The following FUT8 variants were observed in gnomAD, a reference collection of about 807,000 sequenced individuals.
The protein encoded by FUT8 is alpha-(1,6)-fucosyltransferase.
FUT8 carries 29 observed loss-of-function variants against 71.3 expected under a neutral mutation model. The observed-to-expected ratio is 0.41, with a 90% CI of 0.30 to 0.55. The LOEUF (loss-of-function observed/expected upper bound fraction) is 0.55. FUT8 is among the 20% of genes least tolerant of loss of function. The pLI, the probability that FUT8 is intolerant of heterozygous loss-of-function variation, is 0.34. For missense variants in FUT8, 544 were observed against 702.1 expected (o/e 0.77, Z 2.55); for synonymous variants, 254 against 239.3 (o/e 1.06, Z -0.57).
intron 3 of FUT8, among the ~76,000 whole-genome samples, chr14:65,571,215 C>T (rs1043473606): frequency 2.6e-5 from 4 of 151,924 alleles, no homozygotes; most frequent in African/African-American, 7.3e-5. Flanking sequence ...TATAATGAAC[C>T]TGTTAGGAGA....
intron 3 of FUT8, among the ~76,000 whole-genome samples, chr14:65,572,774 A>G (rs1209974854): frequency 6.6e-6 from 1 of 152,198 alleles, no homozygotes; most frequent in East Asian, 1.9e-4. Context: ...ATGTATGCAC[A>G]TAACAACAAA....
intron 1 of FUT8, among the ~76,000 whole-genome samples, chr14:65,441,052 A>G (rs2065647287): frequency 6.6e-6 from 1 of 152,210 alleles, no homozygotes; most frequent in Admixed American, 6.5e-5. Flanking sequence ...GAATGAATAT[A>G]AGCTGGTTAT....
At position 65,433,786 on chromosome 14, in the gene FUT8, T is replaced by TTCTCTCTCTCTCTCTC. The variant is rs71126744; in HGVS notation, c.-326+20589_-326+20604dup. ...TTTATTTCTACCTCTCTTCTGTCTCTTCTCTCTCTCTCTCTCTCTCTCTCT... is the reference window on the plus strand; with the variant it reads ...TTTATTTCTACCTCTCTTCTGTCTCTTCTCTCTCTCTCTCTCTCTCTCTCTCTCTCTCTCTCTCTCT... On this transcript the variant is annotated intron_variant, in intron 1 of 10. Transcript: ENST00000673929. Among the ~76,000 whole-genome samples the TTCTCTCTCTCTCTCTC allele has an allele frequency of 4.2e-3, 603 of 144,958 alleles. 11 individuals carry two copies. The highest frequency in any genetic ancestry group is 0.02 in the South Asian group (82 of 4,158).
At chr14:65,438,631 A>G (rs1193660574) in intron 1 of FUT8, among the ~76,000 whole-genome samples, 1 of 152,224 alleles carries the variant, frequency 6.6e-6, no homozygotes, top group Non-Finnish European at 1.5e-5. Context: ...TGAGAGAGAA[A>G]TAAACTTCTG....
chr14:65,625,080 A>AATAAATAC (rs1332646620), intron 5 of FUT8, among the ~76,000 whole-genome samples: 1 of 151,488 alleles, frequency 6.6e-6, no homozygotes, highest in Non-Finnish European at 1.5e-5. Context: ...TAAATAAATA[A>AATAAATAC]ATAAATAAAT....
intron 6 of FUT8, among the ~76,000 whole-genome samples, chr14:65,635,743 T>A (rs2140283914): frequency 6.6e-6 from 1 of 152,326 alleles, no homozygotes; most frequent in South Asian, 2.1e-4. Flanking sequence ...AGCTAGTATT[T>A]TGTTAAGGAT....
intron 3 of FUT8, among the ~76,000 whole-genome samples, chr14:65,564,640 C>T (rs183248384): frequency 1.4e-4 from 22 of 152,014 alleles, no homozygotes; most frequent in African/African-American, 5.3e-4. Flanking sequence ...ATGAATTCTA[C>T]CTCCCTCTAG....
chr14:65,701,310 G>T (rs911801904), intron 7 of FUT8, among the ~76,000 whole-genome samples: 1 of 152,172 alleles, frequency 6.6e-6, no homozygotes, highest in Non-Finnish European at 1.5e-5. Context: ...GAAGCAAAAT[G>T]TGTGTGCTTT....
intron 2 of FUT8, chr14:65,468,257 A>G: frequency 1.6e-6 from 1 of 623,372 alleles, no homozygotes. Flanking sequence ...ATTCGCATAC[A>G]TGTGGCCAAA....
chr14:65,443,496 G>T (rs1041143330), intron 1 of FUT8, among the ~76,000 whole-genome samples: 1 of 151,992 alleles, frequency 6.6e-6, no homozygotes, highest in Non-Finnish European at 1.5e-5. Flanking sequence ...GAGGCAGGAG[G>T]ATTACTTGAG....
At chr14:65,468,180 C>T (rs2066075344) in intron 2 of FUT8, 1 of 636,794 alleles carries the variant, frequency 1.6e-6, no homozygotes, top group African/African-American at 1.8e-5. Flanking sequence ...CATGATAACA[C>T]TCGCGGAGCA....
At chr14:65,612,386 G>A (rs900497022) in intron 3 of FUT8, among the ~76,000 whole-genome samples, 1 of 152,094 alleles carries the variant, frequency 6.6e-6, no homozygotes, top group African/African-American at 2.4e-5. Flanking sequence ...CATGAATTAC[G>A]GTTTTCTAGT....
At chr14:65,594,300 C>G (rs886335957) in intron 3 of FUT8, among the ~76,000 whole-genome samples, 1 of 152,184 alleles carries the variant, frequency 6.6e-6, no homozygotes, top group Admixed American at 6.5e-5. Flanking sequence ...GGCTCCACCC[C>G]TCGCAGGAGG....
At chr14:65,484,513 T>A (rs1430360620) in intron 2 of FUT8, among the ~76,000 whole-genome samples, 2 of 152,102 alleles carry the variant, frequency 1.3e-5, no homozygotes, top group Non-Finnish European at 2.9e-5. Context: ...TTGTTTTTTT[T>A]AAAGTTTTTT....
At position 65,652,106 on chromosome 14, in the gene FUT8, A is replaced by G. The variant is rs949590330; in HGVS notation, c.598-17137A>G. On this transcript the variant is annotated intron_variant, in intron 6 of 10. Transcript: ENST00000673929. The surrounding 1 kb of genome is among the most constrained non-coding windows in gnomAD (Gnocchi z 4.0). Reference sequence around the variant, plus strand: ...GAAGCCGGGAGAGAGACATGGAACAACTTCTTCCTTAGAGCCTCCAGAAGA... The same window carrying G: ...GAAGCCGGGAGAGAGACATGGAACAGCTTCTTCCTTAGAGCCTCCAGAAGA... Among the ~76,000 whole-genome samples, 1 of 152,160 alleles carries G rather than the reference A, an allele frequency of 6.6e-6. No individual in the cohort carries two copies. Among genetic ancestry groups the G allele is most frequent in the African/African-American group, 2.4e-5 (1 of 41,444 alleles).
intron 2 of FUT8, among the ~76,000 whole-genome samples, chr14:65,505,767 A>G (rs973665953): frequency 6.6e-6 from 1 of 151,660 alleles, no homozygotes; most frequent in Admixed American, 6.6e-5. Flanking sequence ...TTTTTTTGCT[A>G]TATTTTTTTT....
At chr14:65,614,881 C>T (rs185813734) in intron 3 of FUT8, among the ~76,000 whole-genome samples, 23 of 152,212 alleles carry the variant, frequency 1.5e-4, no homozygotes, top group African/African-American at 4.1e-4. Context: ...TAGCCTACCA[C>T]GAAATTGTAT....
At chr14:65,632,397 G>T (rs980442305) in intron 6 of FUT8, among the ~76,000 whole-genome samples, 2 of 152,112 alleles carry the variant, frequency 1.3e-5, no homozygotes, top group African/African-American at 4.8e-5. Flanking sequence ...ACTGTTTTTT[G>T]ATTTTTTGAT....
At chr14:65,709,835 A>G (rs1229225808) in intron 7 of FUT8, among the ~76,000 whole-genome samples, 3 of 152,280 alleles carry the variant, frequency 2.0e-5, no homozygotes, top group East Asian at 3.9e-4. Flanking sequence ...GCCCATACTC[A>G]AGGCACTTCT....
Sources: allele counts gnomAD v4.1 joint callset (sites outside exome capture counted in the v4.1 genomes callset), GRCh38; gene constraint gnomAD v4.1.1; non-coding constraint Gnocchi (gnomAD v3.1); transcripts MANE v1.5; gene names NCBI Gene and HGNC (gene_info 2026-07-23, HGNC 2026-07-21).